The following NEDD4 variants were observed in gnomAD, a reference collection of about 807,000 sequenced individuals.
The protein encoded by NEDD4 is E3 ubiquitin-protein ligase NEDD4.
NEDD4 carries 99 observed loss-of-function variants against 144.9 expected under a neutral mutation model. The ratio of observed to expected loss-of-function variants is 0.68; its 90% CI spans 0.58 to 0.81. NEDD4 has a LOEUF of 0.81. Among genes scored for constraint, NEDD4 ranks in the 30% least tolerant of loss-of-function variants. The pLI, the probability that NEDD4 is intolerant of heterozygous loss-of-function variation, is 0.00. For missense variants in NEDD4, 985 were observed against 1,065.9 expected, an observed-to-expected ratio of 0.92 and a Z score of 1.06; for synonymous variants, 318 against 350.6, an observed-to-expected ratio of 0.91 and a Z score of 1.04.
intron 1 of NEDD4, among the ~76,000 whole-genome samples, chr15:55,981,710 C>T (rs1353297715): frequency 6.6e-6 from 1 of 152,162 alleles, no homozygotes; most frequent in Non-Finnish European, 1.5e-5. Flanking sequence ...GCAGTATGAA[C>T]ATCACATGGA....
intron 4 of NEDD4, among the ~76,000 whole-genome samples, chr15:55,941,387 G>T (rs1310020472): frequency 6.6e-6 from 1 of 152,044 alleles, no homozygotes; most frequent in Non-Finnish European, 1.5e-5. Context: ...CATTTGGTAT[G>T]TTATGCTTTA....
intron 1 of NEDD4, among the ~76,000 whole-genome samples, chr15:55,985,336 G>A (rs2037872587): frequency 1.3e-5 from 2 of 152,216 alleles, no homozygotes; most frequent in South Asian, 4.1e-4. Flanking sequence ...TGGCATGCTC[G>A]CCAGCACGGG....
intron 7 of NEDD4, among the ~76,000 whole-genome samples, chr15:55,869,889 A>AAATAAGTAAATC (rs58734138): frequency 6.7e-6 from 1 of 149,872 alleles, no homozygotes. Context: ...ATAAATAAAT[A>AAATAAGTAAATC]AATAATTGTT....
chr15:55,989,249 T>C (rs1248662895), intron 1 of NEDD4, among the ~76,000 whole-genome samples: 3 of 152,182 alleles, frequency 2.0e-5, no homozygotes, highest in Non-Finnish European at 2.9e-5. Flanking sequence ...AGTAAATACA[T>C]AATTTAAAAA....
At chr15:55,888,347 T>C (rs540888220) in intron 5 of NEDD4, among the ~76,000 whole-genome samples, 3 of 152,210 alleles carry the variant, frequency 2.0e-5, no homozygotes, top group South Asian at 4.2e-4. Context: ...GTAAACAATT[T>C]GTAAAATAAA....
chr15:55,979,339 C>CTTTTTT (rs71110358), intron 1 of NEDD4, among the ~76,000 whole-genome samples: 3 of 66,060 alleles, frequency 4.5e-5, no homozygotes, highest in African/African-American at 1.2e-4. Flanking sequence ...GTTTTTACCT[C>CTTTTTT]TTTTTTTTTT....
intron 2 of NEDD4, among the ~76,000 whole-genome samples, chr15:55,964,790 T>C (rs1301949529): frequency 1.3e-5 from 2 of 151,636 alleles, no homozygotes; most frequent in African/African-American, 4.8e-5. Flanking sequence ...TGAAATTTGA[T>C]TTCCAATGTG....
rs2032862732 is a variant in NEDD4, at chr15:55,829,908, C to A, written c.2692G>T (p.Gly898Ter). The A allele has an allele frequency of 6.2e-7, 1 of 1,611,364 alleles. No individual in the cohort carries two copies. Among genetic ancestry groups the A allele is most frequent in the African/African-American group, 1.3e-5 (1 of 74,806 alleles). Residue 898 changes from glycine (G) to a stop codon, truncating the protein, a stop_gained, in exon 29 of 29, where the codon GGA becomes TGA. Coordinates refer to ENST00000435532, the MANE Select transcript of NEDD4 (RefSeq NM_006154.4). LOFTEE classifies it high-confidence loss of function. The stretch of plus-strand genomic sequence containing the variant: ...TTGTTATTTGTAATCTAATCAACTC[C>A]ATCAAAGCCCTGGGTGTTTTCAATT... The part of the protein sequence containing the change: ...MAIENTQGFD[G>*]VD
intron 6 of NEDD4, among the ~76,000 whole-genome samples, chr15:55,872,964 A>G (rs538528719): frequency 6.6e-6 from 1 of 152,146 alleles, no homozygotes; most frequent in African/African-American, 2.4e-5. Flanking sequence ...GTGGAGAGCC[A>G]ATTAATATAA....
chr15:55,902,932 T>C (rs1221720072), intron 5 of NEDD4, among the ~76,000 whole-genome samples: 1 of 151,954 alleles, frequency 6.6e-6, no homozygotes, highest in African/African-American at 2.4e-5. Flanking sequence ...ACCCAGGAAG[T>C]GGAGGTTGCA....
chr15:55,975,678 A>G (rs567592181), intron 1 of NEDD4, among the ~76,000 whole-genome samples: 2 of 152,308 alleles, frequency 1.3e-5, no homozygotes, highest in East Asian at 3.9e-4. Flanking sequence ...GATTGGAACA[A>G]TCAATATTGT....
At chr15:55,898,250 A>T (rs12441416) in intron 5 of NEDD4, among the ~76,000 whole-genome samples, 21,878 of 152,212 alleles carry the variant, frequency 0.14, 1,721 homozygotes, top group East Asian at 0.36. Context: ...TTAGCTCATC[A>T]TTTGGTTGTT....
At chr15:55,909,145 G>A (rs772962284) in intron 5 of NEDD4, among the ~76,000 whole-genome samples, 4 of 152,030 alleles carry the variant, frequency 2.6e-5, no homozygotes, top group African/African-American at 7.3e-5. Context: ...AGACATCCTC[G>A]GGCCTAACTA....
chr15:55,982,397 T>A (rs2037818643), intron 1 of NEDD4, among the ~76,000 whole-genome samples: 2 of 152,192 alleles, frequency 1.3e-5, no homozygotes, highest in African/African-American at 4.8e-5. Flanking sequence ...AGAATGGATA[T>A]ATTCATACAA....
At chr15:55,846,494 C>G (rs1249332351) in intron 18 of NEDD4, among the ~76,000 whole-genome samples, 3 of 152,136 alleles carry the variant, frequency 2.0e-5, no homozygotes, top group African/African-American at 7.2e-5. Flanking sequence ...GTCACAAGAG[C>G]ACAGTTCCAC....
intron 27 of NEDD4, among the ~76,000 whole-genome samples, 171 bp from the exon 28 acceptor site, chr15:55,830,757 T>C (rs1443946391): frequency 6.6e-6 from 1 of 152,200 alleles, no homozygotes; most frequent in African/African-American, 2.4e-5. Flanking sequence ...TGGAGTGCAG[T>C]GGTACGATTC....
At chr15:55,851,265 T>C (rs2033968533) in intron 13 of NEDD4, among the ~76,000 whole-genome samples, 1 of 152,110 alleles carries the variant, frequency 6.6e-6, no homozygotes, top group African/African-American at 2.4e-5. Context: ...GATGGAATAT[T>C]AGTAGTTAAG....
chr15:55,979,081 A>ATG (rs1433326423), intron 1 of NEDD4, among the ~76,000 whole-genome samples: 4 of 151,440 alleles, frequency 2.6e-5, no homozygotes, highest in East Asian at 1.9e-4. Context: ...ATATATATAT[A>ATG]CCCCATTTTT....
intron 27 of NEDD4, among the ~76,000 whole-genome samples, chr15:55,831,695 G>A (rs192105248): frequency 6.6e-6 from 1 of 152,300 alleles, no homozygotes; most frequent in East Asian, 1.9e-4. Flanking sequence ...GGCTTGGCAA[G>A]CTGACCAGAT....
Sources: allele counts gnomAD v4.1 joint callset (sites outside exome capture counted in the v4.1 genomes callset), GRCh38; gene constraint gnomAD v4.1.1; transcripts MANE v1.5; gene names NCBI Gene and HGNC (gene_info 2026-07-23, HGNC 2026-07-21).